Variants in GPHN observed in about 807,000 individuals in gnomAD.
The protein encoded by GPHN is gephyrin.
Under a neutral mutation model 95.5 loss-of-function variants are expected in GPHN, and 17 were observed. That is an observed-to-expected ratio of 0.18 (90% CI 0.12 to 0.27). The LOEUF (loss-of-function observed/expected upper bound fraction) is 0.27. GPHN is among the 10% of genes least tolerant of loss of function. The pLI is 1.00. For synonymous variants in GPHN, 320 were observed against 322.5 expected (o/e 0.99, Z 0.08); for missense variants, 660 against 978.1 (o/e 0.67, Z 4.34).
chr14:66,646,188 A>G (rs2064734568), intron 1 of GPHN, among the ~76,000 whole-genome samples: 1 of 152,224 alleles, frequency 6.6e-6, no homozygotes, highest in Admixed American at 6.5e-5. Context: ...ATGGCCAACA[A>G]GTATTTGAAA....
the GPHN span, among the ~76,000 whole-genome samples, chr14:67,370,566 G>A: frequency 1.3e-5 from 2 of 152,110 alleles, no homozygotes; most frequent in Non-Finnish European, 2.9e-5. Flanking sequence ...AGGCTAATAA[G>A]GGAATATCAT....
chr14:67,192,900 CTAGATATATA>C, the GPHN span, among the ~76,000 whole-genome samples: 2 of 138,386 alleles, frequency 1.4e-5, no homozygotes, highest in South Asian at 2.2e-4. Context: ...ATATCGATAT[CTAGATATATA>C]TAGATATATA....
At chr14:66,592,037 A>G (rs2061671333) in intron 1 of GPHN, among the ~76,000 whole-genome samples, 1 of 152,198 alleles carries the variant, frequency 6.6e-6, no homozygotes, top group Non-Finnish European at 1.5e-5. Context: ...GGCAAACTTG[A>G]CAAAAGCAAT....
intron 1 of GPHN, among the ~76,000 whole-genome samples, chr14:66,631,338 C>T (rs1380233632): frequency 6.6e-6 from 1 of 152,152 alleles, no homozygotes; most frequent in East Asian, 1.9e-4. Context: ...TGAGCCACTG[C>T]GCCCGGCCGG....
intron 5 of GPHN, among the ~76,000 whole-genome samples, chr14:66,883,205 A>T (rs895391249): frequency 2.0e-5 from 3 of 151,792 alleles, no homozygotes; most frequent in African/African-American, 7.2e-5. Context: ...GTTAATTTTT[A>T]AAATCTTTTT....
At chr14:67,674,605 G>C in the GPHN span, 1 of 785,064 alleles carries the variant, frequency 1.3e-6, no homozygotes, top group Non-Finnish European at 1.9e-6. Context: ...CACCACCGCC[G>C]CCCAGGACGA....
intron 1 of GPHN, among the ~76,000 whole-genome samples, chr14:66,643,435 G>C (rs2064550240): frequency 6.6e-6 from 1 of 152,074 alleles, no homozygotes; most frequent in Non-Finnish European, 1.5e-5. Context: ...ACATGTGCAG[G>C]AATGTTGATA....
the GPHN span, among the ~76,000 whole-genome samples, chr14:67,197,702 G>A: frequency 6.6e-6 from 1 of 152,122 alleles, no homozygotes; most frequent in South Asian, 2.1e-4. Flanking sequence ...TACAAAAAGG[G>A]ATTGGAGAAT....
At chr14:67,631,524 C>T in the GPHN span, among the ~76,000 whole-genome samples, 2 of 151,102 alleles carry the variant, frequency 1.3e-5, no homozygotes, top group African/African-American at 2.4e-5. Context: ...CAGCCTCCAC[C>T]TCCCAGGTTC....
chr14:67,577,684 C>T, the GPHN span, among the ~76,000 whole-genome samples: 3 of 152,236 alleles, frequency 2.0e-5, no homozygotes, highest in South Asian at 4.1e-4. Flanking sequence ...GCAGAAAAGG[C>T]GAGGTTTATG....
At chr14:67,228,442 C>A in the GPHN span, 1 of 284,130 alleles carries the variant, frequency 3.5e-6, no homozygotes, top group Non-Finnish European at 5.3e-6. Flanking sequence ...CAGATACAAA[C>A]TACTAAACTA....
At chr14:67,638,755 A>T in the GPHN span, among the ~76,000 whole-genome samples, 1 of 152,218 alleles carries the variant, frequency 6.6e-6, no homozygotes, top group African/African-American at 2.4e-5. Flanking sequence ...AGCTTTGTGG[A>T]TGCAGAAACA....
At chr14:67,132,743 T>C (rs1447913501) in intron 17 of GPHN, among the ~76,000 whole-genome samples, 1 of 151,982 alleles carries the variant, frequency 6.6e-6, no homozygotes, top group Non-Finnish European at 1.5e-5. Context: ...AGACATTGTT[T>C]TCCTACCCCA....
At chr14:67,297,396 A>C in the GPHN span, among the ~76,000 whole-genome samples, 1 of 152,088 alleles carries the variant, frequency 6.6e-6, no homozygotes, top group Admixed American at 6.5e-5. Flanking sequence ...TAAAAAGGCT[A>C]TCTCTGGGTG....
At chr14:67,376,080 AG>A in the GPHN span, among the ~76,000 whole-genome samples, 1 of 152,194 alleles carries the variant, frequency 6.6e-6, no homozygotes, top group South Asian at 2.1e-4. Context: ...TTCTCTCCTC[AG>A]GGAGTAATAA....
intron 11 of GPHN, among the ~76,000 whole-genome samples, chr14:67,062,753 T>C (rs2075875789): frequency 6.6e-6 from 1 of 152,216 alleles, no homozygotes; most frequent in South Asian, 2.1e-4. Flanking sequence ...TTGCCCACTT[T>C]TTGATGGGTT....
intron 9 of GPHN, among the ~76,000 whole-genome samples, chr14:66,991,746 C>A: frequency 6.6e-6 from 1 of 151,312 alleles, no homozygotes; most frequent in Admixed American, 6.6e-5. Context: ...GTGGCATATG[C>A]CTATAATCCC....
chr14:67,724,497 T>G, the GPHN span: 2 of 1,612,376 alleles, frequency 1.2e-6, no homozygotes, highest in East Asian at 4.5e-5. Flanking sequence ...GTGGAGTGTG[T>G]AGAACAAATG....
At chr14:66,851,155 A>AC (rs2062564231) in intron 4 of GPHN, among the ~76,000 whole-genome samples, 1 of 151,416 alleles carries the variant, frequency 6.6e-6, no homozygotes, top group Admixed American at 6.6e-5. Context: ...TATTTAATTT[A>AC]CAAAAAAAAA....
Sources: gnomAD v4.1 joint callset for allele counts (sites outside exome capture counted in the v4.1 genomes callset) on GRCh38, gnomAD v4.1.1 for gene constraint, MANE v1.5 for transcripts, NCBI Gene and HGNC (gene_info 2026-07-23, HGNC 2026-07-21) for gene names.